The following GJC2 variants were observed in gnomAD, a reference collection of about 807,000 sequenced individuals.
The protein encoded by GJC2 is gap junction gamma-2 protein.
For synonymous variants in GJC2, 336 were observed against 307.5 expected (o/e 1.09, Z -0.97); for missense variants, 647 against 648.9 (o/e 1.00, Z 0.03).
chr1:228,155,841 G>A (rs1225261119), intron 1 of GJC2, among the ~76,000 whole-genome samples: 3 of 152,240 alleles, frequency 2.0e-5, no homozygotes, highest in Non-Finnish European at 2.9e-5. Flanking sequence ...CAGCCACAAC[G>A]GGAATGCTCA....
rs1426810188 is a variant in GJC2 at position 228,158,953 on chromosome 1, T to C, written c.1195T>C (p.Ser399Pro). ...APASRTGSATSAGTVGEQGRP... is the reference protein window; with the variant it reads ...APASRTGSATPAGTVGEQGRP... ...CGCGTCCCGGACGGGCAGTGCTACC[T>C]CTGCGGGCACTGTCGGGGAGCAGGG... The change falls in exon 2 of 2, where the codon TCT becomes CCT. Residue 399 changes from serine (S) to proline (P), a missense_variant. Transcript: ENST00000366714. The surrounding 1 kb of genome is among the most constrained non-coding windows in gnomAD (Gnocchi z 8.3). 27 of 1,575,884 alleles carry C rather than the reference T, an allele frequency of 1.7e-5. No individual in the cohort carries two copies. The highest frequency in any genetic ancestry group is 2.2e-5 in the Non-Finnish European group (26 of 1,163,258).
rs746260453 is a variant in GJC2 at position 228,158,656 on chromosome 1, G to C, written c.898G>C (p.Gly300Arg). ...GLGSAQDAVR[G>R]RRGPPASAPA... is the part of the protein sequence containing the mutation. ...GGGCAGCGCGCAGGACGCGGTGCGC[G>C]GCCGCCGCGGCCCCCCGGCCTCCGC... The change falls in exon 2 of 2, where the codon GGC becomes CGC. Residue 300 changes from glycine (G) to arginine (R), a missense_variant. Coordinates refer to ENST00000366714, the MANE Select transcript of GJC2 (RefSeq NM_020435.4). The surrounding 1 kb of genome is among the most constrained non-coding windows in gnomAD (Gnocchi z 8.3). The C allele has an allele frequency of 6.6e-7, 1 of 1,521,604 alleles. No homozygotes were observed. Among genetic ancestry groups the C allele is most frequent in the South Asian group, 1.2e-5 (1 of 86,900 alleles). 94.3% of individuals were successfully genotyped at this position (1,521,604 alleles called of 1,614,324 possible).
intron 1 of GJC2, among the ~76,000 whole-genome samples, chr1:228,156,372 TGTATGC>T (rs1238615086): frequency 6.6e-6 from 1 of 152,208 alleles, no homozygotes; most frequent in East Asian, 1.9e-4. Flanking sequence ...CGTGTACATG[TGTATGC>T]ATGTGTGTGC....
At position 228,158,598 on chromosome 1, in the gene GJC2, G is replaced by GCTCA; in HGVS notation, c.841_844dup (p.Asn282ThrfsTer5). 1.2e-6 allele frequency: 2 copies of GCTCA among 1,611,514 alleles called. No homozygotes were observed. Among genetic ancestry groups the GCTCA allele is most frequent in the Non-Finnish European group, 1.7e-6 (2 of 1,179,110 alleles). ...ACGTGGTCAGCTGCCTGTGCCTGCTGCTCAACCTCTGTGAGATGGCCCACC... is the reference window on the plus strand; with the variant it reads ...ACGTGGTCAGCTGCCTGTGCCTGCTGCTCACTCAACCTCTGTGAGATGGCCCACC... On this transcript the variant is annotated frameshift_variant, in exon 2 of 2. Transcript: ENST00000366714. LOFTEE classifies it low-confidence loss of function (END_TRUNC). The surrounding 1 kb of genome is among the most constrained non-coding windows in gnomAD (Gnocchi z 8.3).
chr1:228,158,639 C>T lies in GJC2; in HGVS notation c.881C>T (p.Ala294Val). The T allele has an allele frequency of 6.2e-7, 1 of 1,604,056 alleles. No individual in the cohort carries two copies. Among genetic ancestry groups the T allele is most frequent in the Non-Finnish European group, 8.5e-7 (1 of 1,176,352 alleles). Residue 294 changes from alanine (A) to valine (V), a missense_variant, in exon 2 of 2, where the codon GCG (alanine) becomes GTG (valine). Physicochemically the swap from Ala to Val is moderately conservative, Grantham distance 64. Transcript: ENST00000366714. The surrounding 1 kb of genome is among the most constrained non-coding windows in gnomAD (Gnocchi z 8.3). ...CEMAHLGLGS[A>V]QDAVRGRRGP... ...ATGGCCCACCTGGGCTTGGGCAGCG[C>T]GCAGGACGCGGTGCGCGGCCGCCGC...
At position 228,158,790 on chromosome 1, in the gene GJC2, G is replaced by T; in HGVS notation, c.1032G>T (p.Arg344=). Residue 344 remains arginine (R), a synonymous_variant, in exon 2 of 2, where the codon CGG becomes CGT. Coordinates refer to ENST00000366714, the MANE Select transcript of GJC2 (RefSeq NM_020435.4). The surrounding 1 kb of genome is among the most constrained non-coding windows in gnomAD (Gnocchi z 8.3). ...TGGTGCGGGCGGCCGAGCGCGCTCG[G>T]GCGCATGACCAGAACCTGGCAAACC... ...SLVVRAAERA[R]AHDQNLANLA... is the part of the protein sequence containing the mutation. The T allele has an allele frequency of 7.0e-7, 1 of 1,432,846 alleles. No individual in the cohort carries two copies. The allele number at this position is 1,432,846 out of a possible 1,614,324, so 88.8% of individuals were successfully genotyped here. A position where few individuals can be genotyped will look rare whatever the true frequency, so the allele number is the denominator to read the frequency against.
At position 228,159,100 on chromosome 1, in the gene GJC2, G is replaced by A. The variant is rs1221415068; in HGVS notation, c.*22G>A. ...CTGAGGGCGCTGGCTTGCGAGCTGG[G>A]CCAGGGAGGAGGAGGGTTGGGGGGC... On this transcript the variant is annotated 3_prime_UTR_variant, in exon 2 of 2. Coordinates refer to ENST00000366714, the MANE Select transcript of GJC2 (RefSeq NM_020435.4). The surrounding 1 kb of genome is among the most constrained non-coding windows in gnomAD (Gnocchi z 4.0). 1.1e-5 allele frequency: 18 copies of A among 1,608,474 alleles called. No individual in the cohort carries two copies. In the Admixed American group the frequency reaches 3.0e-4, roughly 27 times the overall value.
chr1:228,158,253 C>A lies in GJC2; in HGVS notation c.495C>A (p.Ala165=), dbSNP rs2034714450. 1.3e-6 allele frequency: 2 copies of A among 1,514,752 alleles called. No homozygotes were observed. The highest frequency in any genetic ancestry group is 4.0e-5 in the Admixed American group (2 of 49,392). The allele number at this position is 1,514,752 out of a possible 1,614,324, so 93.8% of individuals were successfully genotyped here. A position where few individuals can be genotyped will look rare whatever the true frequency, so the allele number is the denominator to read the frequency against. Residue 165 remains alanine (A), a synonymous_variant, in exon 2 of 2, where the codon GCC becomes GCA. Coordinates refer to ENST00000366714, the MANE Select transcript of GJC2 (RefSeq NM_020435.4). The surrounding 1 kb of genome is among the most constrained non-coding windows in gnomAD (Gnocchi z 8.3). ...EEEETGAAEG[A]GEEAEEAGAE... is the part of the protein sequence containing the mutation. ...AGGAGACGGGGGCAGCCGAGGGCGC[C>A]GGCGAGGAAGCGGAGGAGGCAGGCG...
chr1:228,156,942 C>T (rs1222022004), intron 1 of GJC2, among the ~76,000 whole-genome samples: 2 of 152,240 alleles, frequency 1.3e-5, no homozygotes, highest in Non-Finnish European at 2.9e-5. Flanking sequence ...CGCTGGACAC[C>T]GTCCCTCCTG....
rs746260453 is a variant in GJC2 at position 228,158,656 on chromosome 1, G to T, written c.898G>T (p.Gly300Cys). The T allele has an allele frequency of 6.6e-6, 10 of 1,521,540 alleles. No homozygotes were observed. In the South Asian group the frequency reaches 9.2e-5, roughly 14 times the overall value. The allele number at this position is 1,521,540 out of a possible 1,614,324, so 94.3% of individuals were successfully genotyped here. The change falls in exon 2 of 2, where the codon GGC becomes TGC. Residue 300 changes from glycine to cysteine, a missense_variant. Physicochemically the swap from Gly to Cys is radical, Grantham distance 159. Transcript: ENST00000366714. This position sits in a 1 kb window ranked among gnomAD's most constrained non-coding sequence, Gnocchi z 8.3. ...GLGSAQDAVR[G>C]RRGPPASAPA... is the part of the protein sequence containing the mutation. ...GGGCAGCGCGCAGGACGCGGTGCGC[G>T]GCCGCCGCGGCCCCCCGGCCTCCGC...
chr1:228,158,957 C>T lies in GJC2; in HGVS notation c.1199C>T (p.Ala400Val). The change falls in exon 2 of 2, where the codon GCG becomes GTG. Residue 400 changes from alanine (A) to valine (V), a missense_variant. Transcript: ENST00000366714. This position sits in a 1 kb window ranked among gnomAD's most constrained non-coding sequence, Gnocchi z 8.3. The part of the protein sequence containing the change: ...PASRTGSATS[A>V]GTVGEQGRPG... The stretch of plus-strand genomic sequence containing the variant: ...TCCCGGACGGGCAGTGCTACCTCTG[C>T]GGGCACTGTCGGGGAGCAGGGCCGG... 8 of 1,579,452 alleles carry T rather than the reference C, an allele frequency of 5.1e-6. No homozygotes were observed. Among genetic ancestry groups the T allele is most frequent in the Non-Finnish European group, 6.0e-6 (7 of 1,165,026 alleles).
chr1:228,155,706 C>T (rs1341895553), intron 1 of GJC2, among the ~76,000 whole-genome samples: 3 of 148,110 alleles, frequency 2.0e-5, no homozygotes, highest in African/African-American at 4.9e-5. Context: ...TGACACAGGC[C>T]CCCAGAGCTA....
intron 1 of GJC2, among the ~76,000 whole-genome samples, chr1:228,156,611 C>A (rs765964690): frequency 1.7e-4 from 26 of 152,242 alleles, no homozygotes; most frequent in African/African-American, 6.0e-4. Context: ...ATAAAGAGGC[C>A]GGGAGCCTCA....
At position 228,151,344 on chromosome 1, in the gene GJC2, G is replaced by C. The variant is rs1243694623; in HGVS notation, c.-20+1337G>C. Among the ~76,000 whole-genome samples, 1 of 152,046 alleles carries C rather than the reference G, an allele frequency of 6.6e-6. No individual in the cohort carries two copies. Among genetic ancestry groups the C allele is most frequent in the Non-Finnish European group, 1.5e-5 (1 of 68,014 alleles). On this transcript the variant is annotated intron_variant, in intron 1 of 1. Transcript: ENST00000366714. The surrounding 1 kb of genome is among the most constrained non-coding windows in gnomAD (Gnocchi z 5.4). The stretch of plus-strand genomic sequence containing the variant: ...CTGAGCGCCACACCCATGCTCTTGG[G>C]CTCCTGGGGGTCTGGTCAGTTCAGG...
Position 228,158,234 on chromosome 1 carries a change from CG to C in GJC2, c.481del (p.Ala161GlnfsTer49). The C allele has an allele frequency of 3.3e-6, 5 of 1,505,516 alleles. No individual in the cohort carries two copies. Among genetic ancestry groups the C allele is most frequent in the Non-Finnish European group, 3.5e-6 (4 of 1,130,890 alleles). The allele number at this position is 1,505,516 out of a possible 1,614,324, so 93.3% of individuals were successfully genotyped here. ...GGCGAGGAGGAGGAGGAGGAGGAGA[CG>C]GGGGCAGCCGAGGGCGCCGGCGAGG... ...GLGEEEEEEE[T>X]GAAEGAGEEA... is the part of the protein sequence containing the mutation. On this transcript the variant is annotated frameshift_variant, in exon 2 of 2. Coordinates refer to ENST00000366714, the MANE Select transcript of GJC2 (RefSeq NM_020435.4). LOFTEE classifies it low-confidence loss of function (END_TRUNC). The surrounding 1 kb of genome is among the most constrained non-coding windows in gnomAD (Gnocchi z 8.3).
In GJC2 at chr1:228,159,223, G is replaced by A; in HGVS notation, c.*145G>A. The A allele has an allele frequency of 1.0e-6, 1 of 985,592 alleles. No homozygotes were observed. The highest frequency in any genetic ancestry group is 2.7e-5 in the East Asian group (1 of 37,608). 61.1% of individuals were successfully genotyped at this position (985,592 alleles called of 1,614,324 possible). ...AGGGGCAGCCAGGCTGCTCAGGGAA[G>A]GGGCTGAAAGCGGCAGAGGAGTGCC... On this transcript the variant is annotated 3_prime_UTR_variant, in exon 2 of 2. Coordinates refer to ENST00000366714, the MANE Select transcript of GJC2 (RefSeq NM_020435.4). This position sits in a 1 kb window ranked among gnomAD's most constrained non-coding sequence, Gnocchi z 4.0.
At chr1:228,155,684 T>C (rs968679813) in intron 1 of GJC2, among the ~76,000 whole-genome samples, 2 of 139,330 alleles carry the variant, frequency 1.4e-5, no homozygotes, top group South Asian at 4.3e-4. Flanking sequence ...AGGACCACTA[T>C]GTGGGTGCAA....
chr1:228,157,041 G>T (rs1042456044), intron 1 of GJC2, among the ~76,000 whole-genome samples: 4 of 152,264 alleles, frequency 2.6e-5, no homozygotes, highest in Non-Finnish European at 4.4e-5. Context: ...GGCGGGCGGA[G>T]CCCTGGGACC....
At position 228,158,647 on chromosome 1, in the gene GJC2, G is replaced by C. The variant is rs1487537853; in HGVS notation, c.889G>C (p.Ala297Pro). 6.3e-7 allele frequency: 1 copy of C among 1,585,052 alleles called. No homozygotes were observed. The highest frequency in any genetic ancestry group is 1.1e-5 in the South Asian group (1 of 89,872). Residue 297 changes from alanine (A) to proline (P), a missense_variant, in exon 2 of 2, where the codon GCG becomes CCG. Ala to Pro is a conservative substitution (Grantham distance 27). Coordinates refer to ENST00000366714, the MANE Select transcript of GJC2 (RefSeq NM_020435.4). The surrounding 1 kb of genome is among the most constrained non-coding windows in gnomAD (Gnocchi z 8.3). ...CCTGGGCTTGGGCAGCGCGCAGGAC[G>C]CGGTGCGCGGCCGCCGCGGCCCCCC... is the stretch of plus-strand genomic sequence containing the variant. ...AHLGLGSAQD[A>P]VRGRRGPPAS...
Sources: allele counts gnomAD v4.1 joint callset (sites outside exome capture counted in the v4.1 genomes callset), GRCh38; gene constraint gnomAD v4.1.1; non-coding constraint Gnocchi (gnomAD v3.1); transcripts MANE v1.5; gene names NCBI Gene and HGNC (gene_info 2026-07-23, HGNC 2026-07-21).